Variants in BRF2 observed in about 807,000 individuals in gnomAD.
BRF2 encodes transcription factor IIIB 50 kDa subunit.
A neutral mutation model predicts 26.6 loss-of-function variants in BRF2; 17 were observed. The observed-to-expected ratio is 0.64, with a 90% CI of 0.44 to 0.96. The LOEUF is 0.96. BRF2 is among the 40% of genes least tolerant of loss of function. The pLI, the probability that BRF2 is intolerant of heterozygous loss-of-function variation, is 0.00. For missense variants in BRF2, 515 were observed against 537.0 expected, an observed-to-expected ratio of 0.96 and a Z score of 0.40; for synonymous variants, 219 against 226.6, an observed-to-expected ratio of 0.97 and a Z score of 0.30.
Position 37,844,346 on chromosome 8 carries a change from G to A in BRF2, c.*144C>T. 1 of 1,051,448 alleles carries A rather than the reference G, an allele frequency of 9.5e-7. No individual in the cohort carries two copies. The highest frequency in any genetic ancestry group is 1.6e-5 in the South Asian group (1 of 63,254). 65.1% of individuals were successfully genotyped at this position (1,051,448 alleles called of 1,614,324 possible). A position where few individuals can be genotyped will look rare whatever the true frequency, so the allele number is the denominator to read the frequency against. ...CTCCTGACTTTACTCCAGGACCCAG[G>A]GTCCAACTAATGGCAGAGCCCCTCT... On this transcript the variant is annotated 3_prime_UTR_variant, in exon 4 of 4. Coordinates refer to ENST00000220659, the MANE Select transcript of BRF2 (RefSeq NM_018310.4).
At position 37,843,493 on chromosome 8, in the gene BRF2, C is replaced by T. The variant is rs1434831092; in HGVS notation, c.*997G>A. The T allele has an allele frequency of 1.3e-5, 2 of 152,284 alleles. No individual in the cohort carries two copies. Among genetic ancestry groups the T allele is most frequent in the Non-Finnish European group, 2.9e-5 (2 of 68,082 alleles). 9.4% of individuals were successfully genotyped at this position (152,284 alleles called of 1,614,324 possible). On this transcript the variant is annotated 3_prime_UTR_variant, in exon 4 of 4. Coordinates refer to ENST00000220659, the MANE Select transcript of BRF2 (RefSeq NM_018310.4). Reference sequence around the variant, plus strand: ...TGCCTTTACTCCTTTTAAACACCAGCACCCGTCTTTTCCCCAACCTAAAAC... The same window carrying T: ...TGCCTTTACTCCTTTTAAACACCAGTACCCGTCTTTTCCCCAACCTAAAAC...
chr8:37,845,151 A>G lies in BRF2; in HGVS notation c.599T>C (p.Met200Thr), dbSNP rs1463149701. The G allele has an allele frequency of 5.6e-6, 9 of 1,613,366 alleles. No homozygotes were observed. Among genetic ancestry groups the G allele is most frequent in the African/African-American group, 1.3e-5 (1 of 74,928 alleles). The change falls in exon 4 of 4, where the codon ATG becomes ACG. Residue 200 changes from methionine (M) to threonine (T), a missense_variant. Physicochemically the swap from Met to Thr is moderately conservative, Grantham distance 81. Coordinates refer to ENST00000220659, the MANE Select transcript of BRF2 (RefSeq NM_018310.4). Reference sequence around the variant, plus strand: ...CACCAACTGCATTGTTCGAGACAGCATCTTCTCTTTGTCTTCCACGTATTT... The same window carrying G: ...CACCAACTGCATTGTTCGAGACAGCGTCTTCTCTTTGTCTTCCACGTATTT... ...PAKYVEDKEK[M>T]LSRTMQLVEL...
rs767925089 is a variant in BRF2 at position 37,844,618 on chromosome 8, CAG to C, written c.1130_1131del (p.Thr377SerfsTer5). On this transcript the variant is annotated frameshift_variant, in exon 4 of 4. Coordinates refer to ENST00000220659, the MANE Select transcript of BRF2 (RefSeq NM_018310.4). LOFTEE classifies it high-confidence loss of function. ...TCAGAAATGTTCTCATCTCCAGTGA[CAG>C]TGGAGACAGGGGGTACAGGGCAGAT... is the stretch of plus-strand genomic sequence containing the variant. ...KRICPVPPVS[T>X]VTGDENISDS... The C allele has an allele frequency of 6.2e-7, 1 of 1,614,016 alleles. No individual in the cohort carries two copies. Among genetic ancestry groups the C allele is most frequent in the African/African-American group, 1.3e-5 (1 of 74,916 alleles).
In BRF2 at chr8:37,846,980, GC is replaced by G. The variant is rs773664343; in HGVS notation, c.409del (p.Ala137ProfsTer20). On this transcript the variant is annotated frameshift_variant, in exon 3 of 4. Transcript: ENST00000220659. LOFTEE classifies it high-confidence loss of function. Reference protein sequence around the residue: ...RQHNWPLTMGAICTLLYADLD... With the variant: ...RQHNWPLTMGXICTLLYADLD... ...ATCTGCATACAACAGCGTGCAGATG[GC>G]CCCCATTGTTAGGGGCCAGTTATGC... is the stretch of plus-strand genomic sequence containing the variant. 5.0e-6 allele frequency: 8 copies of G among 1,614,068 alleles called. No homozygotes were observed. The highest frequency in any genetic ancestry group is 1.6e-4 in the Middle Eastern group (1 of 6,084).
chr8:37,847,334 T>C (rs758468356), intron 2 of BRF2, 159 bp from the exon 3 acceptor site: 7 of 713,410 alleles, frequency 9.8e-6, no homozygotes, highest in Middle Eastern at 4.6e-4. Flanking sequence ...ACACTTGGTA[T>C]AGTCATTCTA....
At position 37,846,949 on chromosome 8, in the gene BRF2, A is replaced by G. The variant is rs762675843; in HGVS notation, c.441T>C (p.Asp147=). The G allele has an allele frequency of 6.2e-7, 1 of 1,614,106 alleles. No individual in the cohort carries two copies. The highest frequency in any genetic ancestry group is 1.7e-5 in the Admixed American group (1 of 60,010). Residue 147 remains aspartate, a synonymous_variant, in exon 3 of 4, where the codon GAT becomes GAC. Transcript: ENST00000220659. ...AICTLLYADL[D]VFSSTYMQIV... ...TCTGCATGTAAGTGCTAGAAAACAC[A>G]TCCAAATCTGCATACAACAGCGTGC...
intron 1 of BRF2, among the ~76,000 whole-genome samples, chr8:37,849,380 G>C (rs1312614160): frequency 6.6e-6 from 1 of 152,226 alleles, no homozygotes; most frequent in Non-Finnish European, 1.5e-5. Flanking sequence ...GGCAAGATGA[G>C]TGGAACTTTT....
At chr8:37,849,577 A>T (rs1428495617) in intron 1 of BRF2, 53 bp downstream of exon 1, 1 of 1,460,070 alleles carries the variant, frequency 6.8e-7, no homozygotes, top group African/African-American at 1.4e-5. Context: ...AGGCAAAAGG[A>T]ATCTGATGTT....
In BRF2 at chr8:37,848,569, A is replaced by T. The variant is rs768156652; in HGVS notation, c.214+27T>A. 1.3e-5 allele frequency: 21 copies of T among 1,610,346 alleles called. No homozygotes were observed. In the East Asian group the frequency reaches 4.5e-4, roughly 34 times the overall value. Reference sequence around the variant, plus strand: ...GCCTAGGATAGTTTTCTTTAAAGCCACTGTGTTGTAAAAGGTCAATTCTCA... The same window carrying T: ...GCCTAGGATAGTTTTCTTTAAAGCCTCTGTGTTGTAAAAGGTCAATTCTCA... On this transcript the variant is annotated intron_variant, in intron 2 of 3. Coordinates refer to ENST00000220659, the MANE Select transcript of BRF2 (RefSeq NM_018310.4).
intron 3 of BRF2, among the ~76,000 whole-genome samples, chr8:37,846,580 C>G (rs2130090786): frequency 6.6e-6 from 1 of 151,952 alleles, no homozygotes; most frequent in East Asian, 1.9e-4. Context: ...CATGGTGAAA[C>G]CCTGTCTCTA....
At chr8:37,845,255 G>C in intron 3 of BRF2, 42 bp from the exon 4 acceptor site, 1 of 1,528,592 alleles carries the variant, frequency 6.5e-7, no homozygotes, top group African/African-American at 1.4e-5. Flanking sequence ...ATGATATAGG[G>C]GCTGCTCTCC....
At chr8:37,849,543 G>A (rs1054615443) in intron 1 of BRF2, 87 bp downstream of exon 1, 9 of 1,102,846 alleles carry the variant, frequency 8.2e-6, no homozygotes, top group Non-Finnish European at 1.2e-5. Context: ...GTGCGTTACA[G>A]TTAGGAGTAT....
intron 2 of BRF2, among the ~76,000 whole-genome samples, chr8:37,848,151 C>T (rs1243959798): frequency 2.0e-5 from 3 of 151,364 alleles, no homozygotes; most frequent in African/African-American, 7.3e-5. Flanking sequence ...GGGGTTTCAT[C>T]GTGTTAACCA....
chr8:37,847,186 C>G lies in BRF2; in HGVS notation c.215-11G>C. On this transcript the variant is annotated splice_polypyrimidine_tract_variant and intron_variant, in intron 2 of 3. Coordinates refer to ENST00000220659, the MANE Select transcript of BRF2 (RefSeq NM_018310.4). Reference sequence around the variant, plus strand: ...TCACTCGCCGGAGACCTAGGAAAAACCCACGGCAAGAGTTAGAGGGGTCAA... The same window carrying G: ...TCACTCGCCGGAGACCTAGGAAAAAGCCACGGCAAGAGTTAGAGGGGTCAA... The G allele has an allele frequency of 1.9e-6, 3 of 1,612,614 alleles. No individual in the cohort carries two copies. The highest frequency in any genetic ancestry group is 2.5e-6 in the Non-Finnish European group (3 of 1,178,764).
rs756872973 is a variant in BRF2, at chr8:37,845,143, G to T, written c.607C>A (p.Arg203=). 1.2e-6 allele frequency: 2 copies of T among 1,613,462 alleles called. No individual in the cohort carries two copies. Among genetic ancestry groups the T allele is most frequent in the Non-Finnish European group, 1.7e-6 (2 of 1,179,756 alleles). The change falls in exon 4 of 4, where the codon CGA becomes AGA. Residue 203 remains arginine, a synonymous_variant. Transcript: ENST00000220659. ...GCCAGCTCCACCAACTGCATTGTTC[G>T]AGACAGCATCTTCTCTTTGTCTTCC... ...YVEDKEKMLS[R]TMQLVELANE... is the part of the protein sequence containing the mutation.
At chr8:37,847,233 A>G in intron 2 of BRF2, 58 bp from the exon 3 acceptor site, 1 of 1,506,418 alleles carries the variant, frequency 6.6e-7, no homozygotes, top group Non-Finnish European at 9.2e-7. Flanking sequence ...TGCAACTCCT[A>G]GAAAATTCTG....
intron 3 of BRF2, among the ~76,000 whole-genome samples, chr8:37,845,505 T>G (rs2062444647): frequency 6.6e-6 from 1 of 152,124 alleles, no homozygotes; most frequent in South Asian, 2.1e-4. Flanking sequence ...CACCATCTTA[T>G]GTGCATGTAT....
In BRF2 at chr8:37,844,753, G is replaced by A; in HGVS notation, c.997C>T (p.Gln333Ter). The A allele has an allele frequency of 6.2e-7, 1 of 1,613,938 alleles. No individual in the cohort carries two copies. The highest frequency in any genetic ancestry group is 8.5e-7 in the Non-Finnish European group (1 of 1,179,982). ...EKEPPGWGQGQGEGEVGNNSL... is the reference protein window; with the variant it reads ...EKEPPGWGQG ...TTATTTCCCACCTCCCCTTCTCCTT[G>A]CCCCTGTCCCCACCCCGGTGGCTCC... The change falls in exon 4 of 4, where the codon CAA (glutamine) becomes TAA (stop). Residue 333 changes from glutamine (Q) to a stop codon, truncating the protein, a stop_gained. Coordinates refer to ENST00000220659, the MANE Select transcript of BRF2 (RefSeq NM_018310.4). LOFTEE classifies it low-confidence loss of function (END_TRUNC).
chr8:37,844,998 CA>C lies in BRF2; in HGVS notation c.751del (p.Cys251ValfsTer36). 2 of 1,613,990 alleles carry C rather than the reference CA, an allele frequency of 1.2e-6. No homozygotes were observed. The highest frequency in any genetic ancestry group is 1.1e-5 in the South Asian group (1 of 91,080). On this transcript the variant is annotated frameshift_variant, in exon 4 of 4. Transcript: ENST00000220659. LOFTEE classifies it low-confidence loss of function (END_TRUNC). Reference protein sequence around the residue: ...DRLSCSLARFCKLANVDLPYP... With the variant: ...DRLSCSLARFXKLANVDLPYP... ...GGGCAGGTCCACATTTGCCAATTTA[CA>C]AAATCGGGCAAGGGAACATGAAAGC...
Sources: gnomAD v4.1 joint callset for allele counts (sites outside exome capture counted in the v4.1 genomes callset) on GRCh38, gnomAD v4.1.1 for gene constraint, MANE v1.5 for transcripts, NCBI Gene and HGNC (gene_info 2026-07-23, HGNC 2026-07-21) for gene names.